MOSMO: variants seen among roughly 807,000 people sequenced by gnomAD.
The protein encoded by MOSMO is modulator of smoothened.
Under a neutral mutation model 18.4 loss-of-function variants are expected in MOSMO, and 5 were observed. The ratio of observed to expected loss-of-function variants is 0.27; its 90% CI spans 0.14 to 0.57. The LOEUF (loss-of-function observed/expected upper bound fraction) is 0.57, where lower values mean the gene tolerates loss of function less well. Ranked by LOEUF, MOSMO falls within the 20% of genes least tolerant of loss-of-function variation. The pLI is 0.92. For missense variants in MOSMO, 138 were observed against 211.8 expected (o/e 0.65, Z 2.16); for synonymous variants, 82 against 82.3 (o/e 1.00, Z 0.02).
Position 22,050,050 on chromosome 16 carries a change from CT to C in MOSMO, c.107-25434del, listed in dbSNP as rs1250694108. Among the ~76,000 whole-genome samples, 6 of 152,312 alleles carry C rather than the reference CT, an allele frequency of 3.9e-5. No individual in the cohort carries two copies. The South Asian group carries it at 1.2e-3, about 32-fold the overall frequency. On this transcript the variant is annotated intron_variant, in intron 1 of 2. Coordinates refer to ENST00000542527, the MANE Select transcript of MOSMO (RefSeq NM_001164579.2). Reference sequence around the variant, plus strand: ...TGTGGAAGTATCATTTCAAAACTGACTTTAATTTTGGAAATTAAAAGGAAAA... The same window carrying C: ...TGTGGAAGTATCATTTCAAAACTGACTTAATTTTGGAAATTAAAAGGAAAA...
At chr16:22,034,892 A>G (rs1210776273) in intron 1 of MOSMO, among the ~76,000 whole-genome samples, 1 of 150,768 alleles carries the variant, frequency 6.6e-6, no homozygotes, top group Non-Finnish European at 1.5e-5. Context: ...CACCATACCC[A>G]GCTAATTTTG....
chr16:22,008,458 G>C (rs1693179798), intron 1 of MOSMO, 51 bp downstream of exon 1: 4 of 1,290,648 alleles, frequency 3.1e-6, no homozygotes, highest in Non-Finnish European at 4.3e-6. Flanking sequence ...AGGGCGACGC[G>C]AGAGAGGGGA....
intron 1 of MOSMO, among the ~76,000 whole-genome samples, chr16:22,066,683 A>G (rs780898947): frequency 1.3e-5 from 2 of 152,220 alleles, no homozygotes; most frequent in Non-Finnish European, 2.9e-5. Flanking sequence ...AACTAATCTA[A>G]TAGATGAGGC....
intron 1 of MOSMO, among the ~76,000 whole-genome samples, chr16:22,045,879 T>C (rs1900297529): frequency 6.7e-6 from 1 of 149,616 alleles, no homozygotes; most frequent in Non-Finnish European, 1.5e-5. Flanking sequence ...TCACTAGAAC[T>C]CTTTTTTTTT....
chr16:22,082,578 A>G lies in MOSMO; in HGVS notation c.*1698A>G, dbSNP rs1362346321. The G allele has an allele frequency of 6.6e-6, 1 of 152,188 alleles. No individual in the cohort carries two copies. The highest frequency in any genetic ancestry group is 1.5e-5 in the Non-Finnish European group (1 of 68,034). 9.4% of individuals were successfully genotyped at this position (152,188 alleles called of 1,614,324 possible). Reference sequence around the variant, plus strand: ...TCCCATGTGGCCCATGCTTCACACAAGCAGAAATGAACGCACTGTTTTTAA... The same window carrying G: ...TCCCATGTGGCCCATGCTTCACACAGGCAGAAATGAACGCACTGTTTTTAA... On this transcript the variant is annotated 3_prime_UTR_variant, in exon 3 of 3. Transcript: ENST00000542527.
At chr16:22,019,868 A>C (rs187357003) in intron 1 of MOSMO, among the ~76,000 whole-genome samples, 1 of 152,172 alleles carries the variant, frequency 6.6e-6, no homozygotes, top group Non-Finnish European at 1.5e-5. Context: ...AAATTGCTAC[A>C]TATCAAATTA....
At chr16:22,039,050 C>G (rs1043274573) in intron 1 of MOSMO, among the ~76,000 whole-genome samples, 4 of 152,188 alleles carry the variant, frequency 2.6e-5, no homozygotes, top group South Asian at 4.1e-4. Context: ...AATAATCATA[C>G]TGAATCATAT....
chr16:22,017,194 C>T (rs764997287), intron 1 of MOSMO, among the ~76,000 whole-genome samples: 1 of 152,072 alleles, frequency 6.6e-6, no homozygotes, highest in Non-Finnish European at 1.5e-5. Context: ...TGAAGTGTTC[C>T]TGTTTATGAA....
intron 1 of MOSMO, among the ~76,000 whole-genome samples, chr16:22,049,029 A>G (rs1598012662): frequency 6.6e-6 from 1 of 152,238 alleles, no homozygotes; most frequent in South Asian, 2.1e-4. Context: ...GTGGGAGGAT[A>G]TTAACATTTT....
chr16:22,037,954 T>A lies in MOSMO; in HGVS notation c.106+29547T>A, dbSNP rs1900139471. On this transcript the variant is annotated intron_variant, in intron 1 of 2. Coordinates refer to ENST00000542527, the MANE Select transcript of MOSMO (RefSeq NM_001164579.2). ...TTGGCCATTGACGAGCAATTCAACCTTTAGCCCCTCTCCCTTACCTGGATG... is the reference window on the plus strand; with the variant it reads ...TTGGCCATTGACGAGCAATTCAACCATTAGCCCCTCTCCCTTACCTGGATG... 2.6e-5 allele frequency among the ~76,000 whole-genome samples: 4 copies of A among 152,292 alleles called. No homozygotes were observed. In the South Asian group the frequency reaches 8.3e-4, roughly 32 times the overall value.
At chr16:22,031,724 A>T (rs1899997960) in intron 1 of MOSMO, among the ~76,000 whole-genome samples, 1 of 152,258 alleles carries the variant, frequency 6.6e-6, no homozygotes, top group African/African-American at 2.4e-5. Context: ...TTCATTGTAT[A>T]GATATACCAC....
intron 1 of MOSMO, among the ~76,000 whole-genome samples, chr16:22,013,060 A>G (rs1899565550): frequency 6.6e-6 from 1 of 152,158 alleles, no homozygotes; most frequent in Admixed American, 6.6e-5. Flanking sequence ...AAAATTACAT[A>G]ATTCTGCTAT....
intron 1 of MOSMO, among the ~76,000 whole-genome samples, chr16:22,052,476 T>C (rs981291680): frequency 8.5e-5 from 13 of 152,318 alleles, no homozygotes; most frequent in Middle Eastern, 3.4e-3. Context: ...TTTAAAGATG[T>C]GTATGAACCT....
chr16:22,021,170 G>A (rs888429730), intron 1 of MOSMO, among the ~76,000 whole-genome samples: 1 of 152,174 alleles, frequency 6.6e-6, no homozygotes. Context: ...CTGAGCCCAC[G>A]GGAAGGGCCA....
chr16:22,060,348 C>T (rs1182851920), intron 1 of MOSMO, among the ~76,000 whole-genome samples: 1 of 152,070 alleles, frequency 6.6e-6, no homozygotes, highest in African/African-American at 2.4e-5. Context: ...AATCATTGGA[C>T]AACTTGACTT....
chr16:22,053,799 T>C (rs1383624785), intron 1 of MOSMO, among the ~76,000 whole-genome samples: 1 of 151,828 alleles, frequency 6.6e-6, no homozygotes, highest in Non-Finnish European at 1.5e-5. Context: ...GGAGACTCCG[T>C]CTCAAAAAAA....
chr16:22,082,864 G>A lies in MOSMO; in HGVS notation c.*1984G>A, dbSNP rs550230217. 2.6e-5 allele frequency: 4 copies of A among 152,288 alleles called. No homozygotes were observed. Among genetic ancestry groups the A allele is most frequent in the South Asian group, 4.1e-4 (2 of 4,824 alleles). The allele number at this position is 152,288 out of a possible 1,614,324, so 9.4% of individuals were successfully genotyped here. On this transcript the variant is annotated 3_prime_UTR_variant, in exon 3 of 3. Transcript: ENST00000542527. Reference sequence around the variant, plus strand: ...GAGAATGTCATACTTTTCCTTCCCAGAGTAAAAGAAACCTTTGGGAGATCC... The same window carrying A: ...GAGAATGTCATACTTTTCCTTCCCAAAGTAAAAGAAACCTTTGGGAGATCC...
At position 22,008,274 on chromosome 16, in the gene MOSMO, C is replaced by T. The variant is rs991818706; in HGVS notation, c.-28C>T. 7.9e-7 allele frequency: 1 copy of T among 1,263,430 alleles called. No individual in the cohort carries two copies. The highest frequency in any genetic ancestry group is 1.0e-6 in the Non-Finnish European group (1 of 985,232). 78.3% of individuals were successfully genotyped at this position (1,263,430 alleles called of 1,614,324 possible). ...GTGAGGCCGCTGCCTGTCCGGGGCTCGGGGGGTGGGGGGAGCGGGGCGGGG... is the reference window on the plus strand; with the variant it reads ...GTGAGGCCGCTGCCTGTCCGGGGCTTGGGGGGTGGGGGGAGCGGGGCGGGG... On this transcript the variant is annotated 5_prime_UTR_variant, in exon 1 of 3. Coordinates refer to ENST00000542527, the MANE Select transcript of MOSMO (RefSeq NM_001164579.2).
chr16:22,068,617 A>G (rs1900791046), intron 1 of MOSMO, among the ~76,000 whole-genome samples: 1 of 152,210 alleles, frequency 6.6e-6, no homozygotes. Context: ...CATAAACGGA[A>G]TCATACAATA....
Sources: allele counts gnomAD v4.1 joint callset (sites outside exome capture counted in the v4.1 genomes callset), GRCh38; gene constraint gnomAD v4.1.1; transcripts MANE v1.5; gene names NCBI Gene and HGNC (gene_info 2026-07-23, HGNC 2026-07-21).